The following GRIN2A variants were observed in gnomAD, a reference collection of about 807,000 sequenced individuals.
The protein encoded by GRIN2A is glutamate ionotropic receptor NMDA type subunit 2A.
GRIN2A carries 22 observed loss-of-function variants against 113.4 expected under a neutral mutation model. The observed-to-expected ratio is 0.19, with a 90% CI of 0.14 to 0.28. The LOEUF (loss-of-function observed/expected upper bound fraction) is 0.28. GRIN2A is among the 10% of genes least tolerant of loss of function. The pLI is 1.00. For missense variants in GRIN2A, 1,502 were observed against 1,887.0 expected (o/e 0.80, Z 3.78); for synonymous variants, 827 against 738.4 (o/e 1.12, Z -1.94).
intron 11 of GRIN2A, among the ~76,000 whole-genome samples, chr16:9,797,672 CTG>C (rs1458003947): frequency 1.3e-5 from 2 of 152,146 alleles, no homozygotes; most frequent in African/African-American, 4.8e-5. Flanking sequence ...AATCCTTTCT[CTG>C]GAGTGAAATT....
intron 2 of GRIN2A, among the ~76,000 whole-genome samples, chr16:10,177,540 C>G (rs1444571161): frequency 6.6e-6 from 1 of 152,208 alleles, no homozygotes; most frequent in Non-Finnish European, 1.5e-5. Context: ...TTCTCTCCAA[C>G]CCCTCTTAAG....
At chr16:9,838,318 G>C (rs1325644504) in intron 7 of GRIN2A, among the ~76,000 whole-genome samples, 1 of 152,128 alleles carries the variant, frequency 6.6e-6, no homozygotes, top group Non-Finnish European at 1.5e-5. Flanking sequence ...AGGAAAAGAA[G>C]TTATTATATC....
intron 2 of GRIN2A, among the ~76,000 whole-genome samples, chr16:10,018,867 AGTT>A (rs2046660686): frequency 6.6e-6 from 1 of 152,190 alleles, no homozygotes; most frequent in South Asian, 2.1e-4. Flanking sequence ...AATGCCCCAG[AGTT>A]ACAGCTCCAC....
chr16:10,103,979 C>T (rs1326490522), intron 2 of GRIN2A, among the ~76,000 whole-genome samples: 1 of 152,194 alleles, frequency 6.6e-6, no homozygotes, highest in African/African-American at 2.4e-5. Flanking sequence ...GCAGCCTGTA[C>T]CTCCCTTAGT....
intron 8 of GRIN2A, among the ~76,000 whole-genome samples, chr16:9,832,371 A>G (rs2141320842): frequency 6.6e-6 from 1 of 152,274 alleles, no homozygotes; most frequent in East Asian, 1.9e-4. Context: ...GTCACCCTTC[A>G]GGTCCTAGCT....
chr16:10,118,818 T>C (rs1002785173), intron 2 of GRIN2A, among the ~76,000 whole-genome samples: 1 of 152,242 alleles, frequency 6.6e-6, no homozygotes, highest in Non-Finnish European at 1.5e-5. Flanking sequence ...AGATGAGCCA[T>C]TCAATATTGA....
chr16:9,959,174 A>C (rs185896428), intron 2 of GRIN2A, among the ~76,000 whole-genome samples: 16 of 152,310 alleles, frequency 1.1e-4, no homozygotes, highest in African/African-American at 3.6e-4. Flanking sequence ...GGACCAGAGA[A>C]ATAGGCTGGA....
chr16:9,763,695 C>G lies in GRIN2A; in HGVS notation c.3849G>C (p.Lys1283Asn), dbSNP rs1596374942. 1 of 1,614,060 alleles carries G rather than the reference C, an allele frequency of 6.2e-7. No homozygotes were observed. Among genetic ancestry groups the G allele is most frequent in the Non-Finnish European group, 8.5e-7 (1 of 1,180,010 alleles). ...QNNALQLQKN[K>N]LRISRQHSYD... ...AGGAATGCTGACGGCTAATCCTTAG[C>G]TTGTTCTTTTGTAATTGAAGGGCAT... The change falls in exon 13 of 13, where the codon AAG becomes AAC. Residue 1283 changes from lysine (K) to asparagine (N), a missense_variant. Around this residue, in one of 7 missense-constraint regions of GRIN2A, gnomAD observed 832 missense variants for 789.7 expected, o/e 1.05. Coordinates refer to ENST00000330684, the MANE Select transcript of GRIN2A (RefSeq NM_001134407.3).
intron 2 of GRIN2A, among the ~76,000 whole-genome samples, chr16:10,018,629 G>A (rs964216394): frequency 1.3e-5 from 2 of 152,138 alleles, no homozygotes; most frequent in African/African-American, 2.4e-5. Context: ...GATGCTGCAC[G>A]AGGGAAACTC....
chr16:9,861,781 G>A (rs2043073496), intron 4 of GRIN2A, among the ~76,000 whole-genome samples: 1 of 152,232 alleles, frequency 6.6e-6, no homozygotes. Context: ...CTAAAGAGCA[G>A]GTGTGGGTCA....
chr16:10,057,350 A>G (rs1455453657), intron 2 of GRIN2A, among the ~76,000 whole-genome samples: 1 of 152,158 alleles, frequency 6.6e-6, no homozygotes, highest in Non-Finnish European at 1.5e-5. Flanking sequence ...TATTCCTGCC[A>G]CTTGTAACTA....
rs182732754 is a variant in GRIN2A at position 9,857,016 on chromosome 16, G to C, written c.1123-7055C>G. Among the ~76,000 whole-genome samples the C allele has an allele frequency of 2.0e-3, 312 of 152,260 alleles. 2 individuals are homozygous for C. Among genetic ancestry groups the C allele is most frequent in the South Asian group, 7.1e-3 (34 of 4,818 alleles). On this transcript the variant is annotated intron_variant, in intron 4 of 12. Coordinates refer to ENST00000330684, the MANE Select transcript of GRIN2A (RefSeq NM_001134407.3). ...TCCTTAATATGATGTGATGATAATGGCGTGGTGTTCTACCTGTGTCGTCTT... is the reference window on the plus strand; with the variant it reads ...TCCTTAATATGATGTGATGATAATGCCGTGGTGTTCTACCTGTGTCGTCTT...
chr16:10,096,193 T>A (rs955187880), intron 2 of GRIN2A, among the ~76,000 whole-genome samples: 1 of 152,182 alleles, frequency 6.6e-6, no homozygotes, highest in Non-Finnish European at 1.5e-5. Context: ...TTTTTTAGGC[T>A]CCTTGGGTGA....
chr16:9,990,316 G>C (rs2046076706), intron 2 of GRIN2A, among the ~76,000 whole-genome samples: 11 of 152,038 alleles, frequency 7.2e-5, no homozygotes, highest in Admixed American at 7.2e-4. Context: ...TCACTAATAA[G>C]TAGGAACTAA....
At chr16:9,931,549 T>A (rs753889595) in intron 3 of GRIN2A, among the ~76,000 whole-genome samples, 1 of 152,174 alleles carries the variant, frequency 6.6e-6, no homozygotes, top group Non-Finnish European at 1.5e-5. Context: ...TCTGTCATAC[T>A]ACCTAGACCA....
At chr16:9,795,394 G>A (rs1229866283) in intron 11 of GRIN2A, among the ~76,000 whole-genome samples, 2 of 152,152 alleles carry the variant, frequency 1.3e-5, no homozygotes, top group African/African-American at 4.8e-5. Flanking sequence ...CTAAAAAAGG[G>A]AGGCATGAAT....
intron 11 of GRIN2A, among the ~76,000 whole-genome samples, chr16:9,771,259 A>C (rs1444331609): frequency 7.0e-6 from 1 of 142,882 alleles, no homozygotes; most frequent in Non-Finnish European, 1.5e-5. Flanking sequence ...TCTCTCCTCT[A>C]GGTTATTTAC....
chr16:10,030,723 C>A (rs1328920881), intron 2 of GRIN2A, among the ~76,000 whole-genome samples: 1 of 152,166 alleles, frequency 6.6e-6, no homozygotes, highest in Non-Finnish European at 1.5e-5. Context: ...TGAATCTCTG[C>A]TCTCTGGCCA....
Position 9,758,912 on chromosome 16 carries a change from C to T in GRIN2A, c.*4237G>A, listed in dbSNP as rs1405845508. On this transcript the variant is annotated 3_prime_UTR_variant, in exon 13 of 13. Coordinates refer to ENST00000330684, the MANE Select transcript of GRIN2A (RefSeq NM_001134407.3). ...ACTTTTGGAAGGAAAATTGCCTTTACATAGAACCCTTCACTCATTAAATAT... is the reference window on the plus strand; with the variant it reads ...ACTTTTGGAAGGAAAATTGCCTTTATATAGAACCCTTCACTCATTAAATAT... 4.5e-6 allele frequency: 1 copy of T among 220,566 alleles called. No individual in the cohort carries two copies. Among genetic ancestry groups the T allele is most frequent in the East Asian group, 6.6e-5 (1 of 15,136 alleles). The allele number at this position is 220,566 out of a possible 1,614,324, so 13.7% of individuals were successfully genotyped here. A position where few individuals can be genotyped will look rare whatever the true frequency, so the allele number is the denominator to read the frequency against.
Sources: gnomAD v4.1 joint callset for allele counts (sites outside exome capture counted in the v4.1 genomes callset) on GRCh38, gnomAD v4.1.1 for gene constraint, gnomAD v4.1.1 regional missense constraint, MANE v1.5 for transcripts, NCBI Gene and HGNC (gene_info 2026-07-23, HGNC 2026-07-21) for gene names.